The following ZFPM2 variants were observed in gnomAD, a reference collection of about 807,000 sequenced individuals.
ZFPM2 encodes the protein zinc finger protein, FOG family member 2.
Under a neutral mutation model 98.6 loss-of-function variants are expected in ZFPM2, and 20 were observed. The observed-to-expected ratio is 0.20, with a 90% CI of 0.14 to 0.29. The LOEUF (loss-of-function observed/expected upper bound fraction) is 0.29. Ranked by LOEUF, ZFPM2 falls within the 10% of genes least tolerant of loss-of-function variation. The pLI is 1.00. For missense variants in ZFPM2, 1,310 were observed against 1,388.6 expected, an observed-to-expected ratio of 0.94 and a Z score of 0.90; for synonymous variants, 518 against 502.7, an observed-to-expected ratio of 1.03 and a Z score of -0.41.
At chr8:105,592,007 T>C (rs941724731) in intron 4 of ZFPM2, among the ~76,000 whole-genome samples, 1 of 152,132 alleles carries the variant, frequency 6.6e-6, no homozygotes, top group East Asian at 1.9e-4. Context: ...ACAAGCAGCT[T>C]AGGGTTAATA....
chr8:105,468,879 G>A (rs1286690295), intron 3 of ZFPM2, among the ~76,000 whole-genome samples: 1 of 151,706 alleles, frequency 6.6e-6, no homozygotes, highest in Non-Finnish European at 1.5e-5. Context: ...CTCCACAATA[G>A]TTGTTCTAAA....
intron 5 of ZFPM2, among the ~76,000 whole-genome samples, chr8:105,722,888 CCTT>C (rs938842736): frequency 2.6e-5 from 4 of 151,892 alleles, no homozygotes; most frequent in Non-Finnish European, 4.4e-5. Context: ...TTATACCAAT[CCTT>C]CTTCCACTTT....
At chr8:105,666,315 C>A (rs1817487372) in intron 5 of ZFPM2, among the ~76,000 whole-genome samples, 1 of 152,160 alleles carries the variant, frequency 6.6e-6, no homozygotes, top group Non-Finnish European at 1.5e-5. Flanking sequence ...GGCCAAATAG[C>A]AATTCAGTGT....
chr8:105,676,386 A>G (rs1810462952), intron 5 of ZFPM2, among the ~76,000 whole-genome samples: 1 of 152,166 alleles, frequency 6.6e-6, no homozygotes, highest in African/African-American at 2.4e-5. Context: ...CAATTGTAGT[A>G]CTGAAATTTG....
intron 5 of ZFPM2, among the ~76,000 whole-genome samples, chr8:105,682,849 A>G (rs1320699225): frequency 3.9e-5 from 6 of 152,132 alleles, no homozygotes; most frequent in Non-Finnish European, 4.4e-5. Context: ...TTCTTCTGGG[A>G]TGTGGCACAA....
At chr8:105,323,547 C>G (rs937063002) in intron 1 of ZFPM2, among the ~76,000 whole-genome samples, 1 of 151,718 alleles carries the variant, frequency 6.6e-6, no homozygotes, top group Non-Finnish European at 1.5e-5. Flanking sequence ...TAGAATAGTA[C>G]CTATTGCTTG....
At chr8:105,523,352 G>C (rs1456641830) in intron 3 of ZFPM2, among the ~76,000 whole-genome samples, 3 of 152,178 alleles carry the variant, frequency 2.0e-5, no homozygotes, top group Non-Finnish European at 4.4e-5. Context: ...AATGCAGAAA[G>C]GCAGATCCAG....
intron 5 of ZFPM2, among the ~76,000 whole-genome samples, chr8:105,650,797 C>G (rs983353387): frequency 1.9e-4 from 29 of 152,118 alleles, no homozygotes; most frequent in African/African-American, 6.5e-4. Flanking sequence ...TTACTTCCAA[C>G]TATGTGGTCA....
At chr8:105,438,701 C>T (rs1453705925) in intron 2 of ZFPM2, among the ~76,000 whole-genome samples, 1 of 152,112 alleles carries the variant, frequency 6.6e-6, no homozygotes, top group Non-Finnish European at 1.5e-5. Flanking sequence ...AAGTCTGATA[C>T]GGTATGTTCA....
At chr8:105,734,375 C>T (rs1206161757) in intron 5 of ZFPM2, among the ~76,000 whole-genome samples, 1 of 151,878 alleles carries the variant, frequency 6.6e-6, no homozygotes, top group Non-Finnish European at 1.5e-5. Flanking sequence ...CAAATGTTTA[C>T]TTTACCAGGA....
intron 3 of ZFPM2, among the ~76,000 whole-genome samples, chr8:105,504,797 T>A (rs1813663759): frequency 6.6e-6 from 1 of 152,190 alleles, no homozygotes; most frequent in African/African-American, 2.4e-5. Flanking sequence ...TGAGGCTTAT[T>A]AAGTTTACTT....
chr8:105,739,945 A>G (rs1241648923), intron 5 of ZFPM2, among the ~76,000 whole-genome samples: 5 of 151,326 alleles, frequency 3.3e-5, no homozygotes, highest in Non-Finnish European at 7.4e-5. Context: ...CTTCCTTAAA[A>G]CCCCCCTTTT....
chr8:105,584,050 G>GT (rs888920752), intron 4 of ZFPM2, among the ~76,000 whole-genome samples: 41 of 151,354 alleles, frequency 2.7e-4, no homozygotes, highest in East Asian at 3.9e-4. Context: ...TTTTTCTTTG[G>GT]TTTTTTTTGG....
At chr8:105,524,767 T>C (rs528205001) in intron 3 of ZFPM2, among the ~76,000 whole-genome samples, 4 of 152,246 alleles carry the variant, frequency 2.6e-5, no homozygotes, top group Admixed American at 2.6e-4. Context: ...TGTGGTTGCC[T>C]AGAAACTTTG....
In ZFPM2 at chr8:105,444,464, C is replaced by T. The variant is rs568902052; in HGVS notation, c.301+83C>T. On this transcript the variant is annotated intron_variant, in intron 3 of 7. Coordinates refer to ENST00000407775, the MANE Select transcript of ZFPM2 (RefSeq NM_012082.4). ...TCTTTTTTTCTTGAACATCAGTTAG[C>T]TTGCAAAAAATGTTTTTGTGTGTGC... is the stretch of plus-strand genomic sequence containing the variant. 32 of 1,016,792 alleles carry T rather than the reference C, an allele frequency of 3.1e-5. No individual in the cohort carries two copies. The African/African-American group carries it at 5.0e-4, about 16-fold the overall frequency. 63.0% of individuals were successfully genotyped at this position (1,016,792 alleles called of 1,614,324 possible). A position where few individuals can be genotyped will look rare whatever the true frequency, so the allele number is the denominator to read the frequency against.
At chr8:105,670,611 G>T (rs1430874931) in intron 5 of ZFPM2, among the ~76,000 whole-genome samples, 1 of 149,924 alleles carries the variant, frequency 6.7e-6, no homozygotes, top group Non-Finnish European at 1.5e-5. Flanking sequence ...CCCTTCCCCA[G>T]CAATAAGCCT....
intron 3 of ZFPM2, among the ~76,000 whole-genome samples, chr8:105,530,815 C>T (rs1814281955): frequency 6.6e-6 from 1 of 152,116 alleles, no homozygotes; most frequent in South Asian, 2.1e-4. Flanking sequence ...TATTAAGACA[C>T]TAGTAAATGC....
chr8:105,366,229 C>T (rs897814175), intron 1 of ZFPM2, among the ~76,000 whole-genome samples: 54 of 152,172 alleles, frequency 3.5e-4, no homozygotes, highest in African/African-American at 1.2e-3. Flanking sequence ...GTAATTCAAT[C>T]GATAGGCATT....
chr8:105,328,974 T>C (rs1812164582), intron 1 of ZFPM2, among the ~76,000 whole-genome samples: 1 of 151,806 alleles, frequency 6.6e-6, no homozygotes, highest in Non-Finnish European at 1.5e-5. Context: ...TTTGCAAATA[T>C]ATTAGGTAGC....
Sources: allele counts gnomAD v4.1 joint callset (sites outside exome capture counted in the v4.1 genomes callset), GRCh38; gene constraint gnomAD v4.1.1; transcripts MANE v1.5; gene names NCBI Gene and HGNC (gene_info 2026-07-23, HGNC 2026-07-21).